SMPD4: variants seen among roughly 807,000 people sequenced by gnomAD.
SMPD4 encodes the protein sphingomyelin phosphodiesterase 4.
In SMPD4, 58 loss-of-function variants were observed where a neutral mutation model predicts 97.8. The ratio of observed to expected loss-of-function variants is 0.59; its 90% confidence interval spans 0.48 to 0.74. The LOEUF is 0.74. SMPD4 is among the 30% of genes least tolerant of loss of function. The pLI is 0.00. For synonymous variants in SMPD4, 388 were observed against 450.0 expected (o/e 0.86, Z 1.74); for missense variants, 853 against 1,080.5 (o/e 0.79, Z 2.95).
intron 15 of SMPD4, 59 bp from the exon 16 acceptor site, chr2:130,154,541 G>A (rs1686572000): frequency 1.3e-6 from 2 of 1,549,854 alleles, no homozygotes; most frequent in Non-Finnish European, 1.7e-6. Flanking sequence ...CCCGACTGCT[G>A]CCCTTAGGAT....
In SMPD4 at chr2:130,167,588, G is replaced by A. The variant is rs1300512603; in HGVS notation, c.662C>T (p.Thr221Ile). The A allele has an allele frequency of 6.9e-6, 11 of 1,601,516 alleles. No homozygotes were observed. Among genetic ancestry groups the A allele is most frequent in the African/African-American group, 1.3e-5 (1 of 74,634 alleles). The change falls in exon 9 of 20, where the codon ACA becomes ATA. Residue 221 changes from threonine (T) to isoleucine (I), a missense_variant and splice_region_variant. By Grantham distance (89) the Thr-to-Ile change is moderately conservative (BLOSUM62 -1). Transcript: ENST00000680298. ...GGTSPSPPPR[T>I]PAIPFASYGL... Reference sequence around the variant, plus strand: ...ATAGGAAGCAAAGGGTATGGCTGGTGTCCTGAGGGAGACACAGAAACAGGC... The same window carrying A: ...ATAGGAAGCAAAGGGTATGGCTGGTATCCTGAGGGAGACACAGAAACAGGC...
At position 130,155,162 on chromosome 2, in the gene SMPD4, C is replaced by G; in HGVS notation, c.1387G>C (p.Ala463Pro). 6 of 1,614,214 alleles carry G rather than the reference C, an allele frequency of 3.7e-6. No individual in the cohort carries two copies. The South Asian group carries it at 6.6e-5, about 18-fold the overall frequency. Residue 463 changes from alanine (A) to proline (P), a missense_variant, in exon 15 of 20, where the codon GCG (alanine) becomes CCG (proline). By Grantham distance (27) the Ala-to-Pro change is conservative (BLOSUM62 -1). Coordinates refer to ENST00000680298, the MANE Select transcript of SMPD4 (RefSeq NM_017951.5). ...TTGGCCACTCGGAACACCATGAGCG[C>G]GTGCTTGGGGCTGACCAGGTCTGTG... Reference protein sequence around the residue: ...LRTDLVSPKHALMVFRVAKVF... With the variant: ...LRTDLVSPKHPLMVFRVAKVF...
At position 130,167,503 on chromosome 2, in the gene SMPD4, T is replaced by C; in HGVS notation, c.747A>G (p.Ala249=). 17 of 1,613,872 alleles carry C rather than the reference T, an allele frequency of 1.1e-5. No individual in the cohort carries two copies. Among genetic ancestry groups the C allele is most frequent in the Non-Finnish European group, 1.4e-5 (16 of 1,179,846 alleles). The change falls in exon 9 of 20, where the codon GCA becomes GCG. Residue 249 remains alanine (A), a synonymous_variant. Coordinates refer to ENST00000680298, the MANE Select transcript of SMPD4 (RefSeq NM_017951.5). ...RHISHQTSVN[A]DPASHEIWRS... is the part of the protein sequence containing the mutation. ...TCCAGATCTCGTGGGAGGCGGGGTCTGCATTCACAGACGTCTGATGAGAGA... is the reference window on the plus strand; with the variant it reads ...TCCAGATCTCGTGGGAGGCGGGGTCCGCATTCACAGACGTCTGATGAGAGA...
Position 130,165,108 on chromosome 2 carries a change from TAAAAAAAAAAAAA to T in SMPD4, c.793-676_793-664del, listed in dbSNP as rs35361623. ...CTGGCAACAAAGACAGACTCTGATT[TAAAAAAAAAAAAA>T]AAAAAAAAAAAAAAAAGGGCTGGGC... On this transcript the variant is annotated intron_variant, in intron 9 of 19. Transcript: ENST00000680298. Among the ~76,000 whole-genome samples the T allele has an allele frequency of 5.3e-4, 33 of 61,914 alleles. 1 individual carries two copies. Among genetic ancestry groups the T allele is most frequent in the African/African-American group, 1.6e-3 (23 of 14,472 alleles). 40.6% of individuals were successfully genotyped at this position (61,914 alleles called of 152,430 possible). A position where few individuals can be genotyped will look rare whatever the true frequency, so the allele number is the denominator to read the frequency against.
intron 8 of SMPD4, among the ~76,000 whole-genome samples, chr2:130,167,797 CCA>C (rs759027915): frequency 3.3e-5 from 5 of 152,190 alleles, no homozygotes; most frequent in East Asian, 1.9e-4. Context: ...GTCTTCCTTA[CCA>C]CAGAGTGACC....
At chr2:130,155,862 G>C (rs1307614648) in intron 14 of SMPD4, among the ~76,000 whole-genome samples, 173 bp downstream of exon 14, 1 of 152,132 alleles carries the variant, frequency 6.6e-6, no homozygotes, top group Non-Finnish European at 1.5e-5. Context: ...GTTGAGCCTA[G>C]GAAAAGGCTG....
At position 130,153,299 on chromosome 2, in the gene SMPD4, C is replaced by T. The variant is rs370467960; in HGVS notation, c.2025+20G>A. The stretch of plus-strand genomic sequence containing the variant: ...GGGTCAGGGCCCAGCCTGTGCGCCT[C>T]TGAGACACGGGCCTCTCACCTGGTA... On this transcript the variant is annotated intron_variant, in intron 18 of 19. Transcript: ENST00000680298. 30 of 1,613,452 alleles carry T rather than the reference C, an allele frequency of 1.9e-5. No individual in the cohort carries two copies. Among genetic ancestry groups the T allele is most frequent in the South Asian group, 7.7e-5 (7 of 91,084 alleles).
chr2:130,152,572 T>A lies in SMPD4; in HGVS notation c.2467A>T (p.Lys823Ter). Residue 823 changes from lysine (K) to a stop codon, truncating the protein, a stop_gained, in exon 20 of 20, where the codon AAG becomes TAG. Coordinates refer to ENST00000680298, the MANE Select transcript of SMPD4 (RefSeq NM_017951.5). LOFTEE classifies it high-confidence loss of function. Reference protein sequence around the residue: ...SAMTLLTERGKLHQP With the variant: ...SAMTLLTERG ...TGACACCTTCAGGGCTGGTGCAGCTTCCCCCGCTCGGTCAGCAGTGTCATG... is the reference window on the plus strand; with the variant it reads ...TGACACCTTCAGGGCTGGTGCAGCTACCCCCGCTCGGTCAGCAGTGTCATG... 1 of 1,547,280 alleles carries A rather than the reference T, an allele frequency of 6.5e-7. No individual in the cohort carries two copies. The highest frequency in any genetic ancestry group is 2.4e-5 in the East Asian group (1 of 40,850).
At chr2:130,167,183 C>G (rs1441487928) in intron 9 of SMPD4, among the ~76,000 whole-genome samples, 1 of 151,724 alleles carries the variant, frequency 6.6e-6, no homozygotes, top group Non-Finnish European at 1.5e-5. Flanking sequence ...TGCAATGGCA[C>G]GATCTCAGCT....
chr2:130,177,239 C>T (rs1689060649), intron 1 of SMPD4, among the ~76,000 whole-genome samples: 1 of 152,196 alleles, frequency 6.6e-6, no homozygotes, highest in South Asian at 2.1e-4. Context: ...CATCAACAAG[C>T]CCAGCTAATT....
chr2:130,156,912 A>C lies in SMPD4; in HGVS notation c.1098-237T>G, dbSNP rs1276679738. 17 of 1,155,974 alleles carry C rather than the reference A, an allele frequency of 1.5e-5. No individual in the cohort carries two copies. The East Asian group carries it at 4.5e-4, about 30-fold the overall frequency. The allele number at this position is 1,155,974 out of a possible 1,614,324, so 71.6% of individuals were successfully genotyped here. A position where few individuals can be genotyped will look rare whatever the true frequency, so the allele number is the denominator to read the frequency against. On this transcript the variant is annotated intron_variant, in intron 12 of 19. Transcript: ENST00000680298. ...TCAGCACAACTCCTGCACACACCTC[A>C]CCCTCCGTCCCATACAAACAGCCCA... is the stretch of plus-strand genomic sequence containing the variant.
intron 3 of SMPD4, among the ~76,000 whole-genome samples, chr2:130,173,972 TA>T (rs70991393): frequency 4.7e-5 from 7 of 149,360 alleles, no homozygotes; most frequent in South Asian, 2.1e-4. Flanking sequence ...TAAATAAATT[TA>T]AAAAAAAACA....
chr2:130,160,683 C>CT (rs1687308387), intron 11 of SMPD4, among the ~76,000 whole-genome samples: 1 of 151,860 alleles, frequency 6.6e-6, no homozygotes, highest in Non-Finnish European at 1.5e-5. Flanking sequence ...TCCTTCCCAC[C>CT]CCCTGCCTCA....
In SMPD4 at chr2:130,172,518, T is replaced by C. The variant is rs371167236; in HGVS notation, c.508-18A>G. On this transcript the variant is annotated intron_variant, in intron 7 of 19. Coordinates refer to ENST00000680298, the MANE Select transcript of SMPD4 (RefSeq NM_017951.5). ...GGAAGTGGCTGGAAAACCAAGCTAGTTGTTAGCATGGGCTCTGGACACTGC... is the reference window on the plus strand; with the variant it reads ...GGAAGTGGCTGGAAAACCAAGCTAGCTGTTAGCATGGGCTCTGGACACTGC... 71 of 1,611,834 alleles carry C rather than the reference T, an allele frequency of 4.4e-5. No individual in the cohort carries two copies. The African/African-American group carries it at 5.9e-4, about 13-fold the overall frequency.
rs557932766 is a variant in SMPD4, at chr2:130,181,231, C to A, written c.-46+299G>T. 55 of 1,272,072 alleles carry A rather than the reference C, an allele frequency of 4.3e-5. No homozygotes were observed. In the East Asian group the frequency reaches 1.5e-3, roughly 35 times the overall value. 78.8% of individuals were successfully genotyped at this position (1,272,072 alleles called of 1,614,324 possible). A position where few individuals can be genotyped will look rare whatever the true frequency, so the allele number is the denominator to read the frequency against. On this transcript the variant is annotated intron_variant, in intron 1 of 19. Coordinates refer to ENST00000680298, the MANE Select transcript of SMPD4 (RefSeq NM_017951.5). ...ACCGCCTGTTGAGCCCAAGGCTCAA[C>A]TTCAACACAAAGCTCTCCTTCCCTC... is the stretch of plus-strand genomic sequence containing the variant.
chr2:130,167,078 G>A (rs1688001682), intron 9 of SMPD4, among the ~76,000 whole-genome samples: 1 of 152,046 alleles, frequency 6.6e-6, no homozygotes, highest in East Asian at 1.9e-4. Flanking sequence ...CCGCCTCTGG[G>A]ACTCTGCCCC....
At chr2:130,159,776 C>T (rs1184627174) in intron 11 of SMPD4, 5 of 152,346 alleles carry the variant, frequency 3.3e-5, no homozygotes, top group African/African-American at 1.2e-4. Context: ...CCCAGGCCCT[C>T]CCTCCAATCC....
In SMPD4 at chr2:130,173,293, C is replaced by T. The variant is rs369536391; in HGVS notation, c.331G>A (p.Val111Ile). 6.2e-7 allele frequency: 1 copy of T among 1,613,844 alleles called. No homozygotes were observed. Among genetic ancestry groups the T allele is most frequent in the Non-Finnish European group, 8.5e-7 (1 of 1,179,842 alleles). ...QAEDYKFDFP[V>I]SYLPGPVKAS... ...GGTTTACTTACAGGCAAGTAGGAGA[C>T]AGGAAAGTCGAACTTATAGTCTTCA... is the stretch of plus-strand genomic sequence containing the variant. Residue 111 changes from valine to isoleucine, a missense_variant, in exon 5 of 20, where the codon GTC becomes ATC. Physicochemically the swap from Val to Ile is conservative, Grantham distance 29. Around this residue, in one of 3 missense-constraint regions of SMPD4, gnomAD observed 313 missense variants for 402.2 expected, o/e 0.78. Transcript: ENST00000680298.
chr2:130,154,362 G>C lies in SMPD4; in HGVS notation c.1574C>G (p.Ser525Cys), dbSNP rs1164967122. Residue 525 changes from serine to cysteine, a missense_variant, in exon 16 of 20, where the codon TCC (serine) becomes TGC (cysteine). Ser to Cys is a moderately radical substitution (Grantham distance 112). Coordinates refer to ENST00000680298, the MANE Select transcript of SMPD4 (RefSeq NM_017951.5). ...SPWPPAVTDA[S>C]FKVKSHVYSL... The stretch of plus-strand genomic sequence containing the variant: ...GTAGACGTGGCTCTTCACCTTGAAG[G>C]AGGCATCAGTGACCGCTGGTGGCCA... The C allele has an allele frequency of 6.2e-7, 1 of 1,612,064 alleles. No homozygotes were observed. The highest frequency in any genetic ancestry group is 1.3e-5 in the African/African-American group (1 of 74,864).
Sources: allele counts gnomAD v4.1 joint callset (sites outside exome capture counted in the v4.1 genomes callset), GRCh38; gene constraint gnomAD v4.1.1; regional missense constraint gnomAD v4.1.1; transcripts MANE v1.5; gene names NCBI Gene and HGNC (gene_info 2026-07-23, HGNC 2026-07-21).